The following HIVEP1 variants were observed in gnomAD, a reference collection of about 807,000 sequenced individuals.
HIVEP1 encodes the protein zinc finger protein 40.
HIVEP1 carries 36 observed loss-of-function variants against 180.0 expected under a neutral mutation model. The observed-to-expected ratio is 0.20, with a 90% CI of 0.15 to 0.26. HIVEP1 has a LOEUF of 0.26. HIVEP1 is among the 10% of genes least tolerant of loss of function. The pLI is 1.00. For missense variants in HIVEP1, 3,143 were observed against 3,268.7 expected (o/e 0.96, Z 0.94); for synonymous variants, 1,239 against 1,239.0 (o/e 1.00, Z 0.00).
intron 2 of HIVEP1, among the ~76,000 whole-genome samples, chr6:12,080,066 A>C (rs1225465651): frequency 3.9e-5 from 6 of 152,116 alleles, no homozygotes; most frequent in African/African-American, 1.4e-4. Flanking sequence ...AATATGCAGC[A>C]AAAGTTGGGT....
intron 2 of HIVEP1, among the ~76,000 whole-genome samples, chr6:12,082,454 C>T (rs1686898428): frequency 6.6e-6 from 1 of 152,052 alleles, no homozygotes; most frequent in African/African-American, 2.4e-5. Context: ...TCAGGATAGA[C>T]CGGATTACTC....
chr6:12,203,193 A>G, the HIVEP1 span, among the ~76,000 whole-genome samples: 2 of 152,116 alleles, frequency 1.3e-5, no homozygotes, highest in African/African-American at 4.8e-5. Context: ...TGAAAACAGC[A>G]CTGTGGCAGC....
intron 2 of HIVEP1, among the ~76,000 whole-genome samples, chr6:12,079,792 G>T (rs1772645579): frequency 6.6e-6 from 1 of 152,070 alleles, no homozygotes; most frequent in Admixed American, 6.6e-5. Context: ...TAACAACTCT[G>T]TAATAGAAAT....
chr6:12,142,120 C>A (rs1433104200), intron 7 of HIVEP1, among the ~76,000 whole-genome samples: 1 of 152,170 alleles, frequency 6.6e-6, no homozygotes, highest in Non-Finnish European at 1.5e-5. Flanking sequence ...CTAAAATTGA[C>A]CACATAGTTG....
At chr6:12,033,721 C>T (rs1034026019) in intron 2 of HIVEP1, among the ~76,000 whole-genome samples, 8 of 152,130 alleles carry the variant, frequency 5.3e-5, no homozygotes, top group African/African-American at 1.9e-4. Flanking sequence ...TACTTACTGA[C>T]AGAGTACCTT....
chr6:12,026,373 G>A (rs1768587382), intron 2 of HIVEP1, among the ~76,000 whole-genome samples: 1 of 152,172 alleles, frequency 6.6e-6, no homozygotes, highest in Admixed American at 6.5e-5. Context: ...GAGGAGTTTT[G>A]AGACGGGTTT....
intron 2 of HIVEP1, among the ~76,000 whole-genome samples, chr6:12,060,381 A>G (rs56321224): frequency 0.22 from 33,239 of 152,204 alleles, 4,287 homozygotes; most frequent in Middle Eastern, 0.32. Flanking sequence ...CCTGATAACA[A>G]TTGAATAATG....
At chr6:12,054,394 GAT>G (rs1470752045) in intron 2 of HIVEP1, among the ~76,000 whole-genome samples, 3 of 152,070 alleles carry the variant, frequency 2.0e-5, no homozygotes, top group African/African-American at 7.2e-5. Context: ...TTAACAATTT[GAT>G]ATCTTTCATT....
At chr6:12,128,454 G>C (rs1270962962) in intron 4 of HIVEP1, among the ~76,000 whole-genome samples, 1 of 152,198 alleles carries the variant, frequency 6.6e-6, no homozygotes, top group Non-Finnish European at 1.5e-5. Context: ...ACAGCTGTCT[G>C]CTTGACAATG....
intron 7 of HIVEP1, among the ~76,000 whole-genome samples, chr6:12,141,858 A>G (rs1759057819): frequency 6.6e-6 from 1 of 152,142 alleles, no homozygotes; most frequent in African/African-American, 2.4e-5. Flanking sequence ...TATGCACCCA[A>G]TACAGGAGCA....
At chr6:12,021,752 G>A (rs1245735280) in intron 2 of HIVEP1, among the ~76,000 whole-genome samples, 2 of 151,796 alleles carry the variant, frequency 1.3e-5, no homozygotes, top group African/African-American at 2.4e-5. Flanking sequence ...TGCAACCTCC[G>A]CCTCTAGGGT....
At chr6:12,009,574 T>A (rs1767175723), upstream of HIVEP1, among the ~76,000 whole-genome samples, 1 of 148,718 alleles carries the variant, frequency 6.7e-6, no homozygotes, top group Non-Finnish European at 1.5e-5. Flanking sequence ...ACATTCACCC[T>A]CTGCTTCATT....
chr6:12,080,472 A>C (rs1469981986), intron 2 of HIVEP1, among the ~76,000 whole-genome samples: 2 of 152,206 alleles, frequency 1.3e-5, no homozygotes, highest in Non-Finnish European at 2.9e-5. Context: ...ATGTATAAAT[A>C]ATTAGATATG....
chr6:12,165,005 G>T, downstream of HIVEP1: 1 of 383,690 alleles, frequency 2.6e-6, no homozygotes, highest in Non-Finnish European at 5.1e-6. Context: ...CTTTACCATT[G>T]CTTCAGTTGT....
downstream of HIVEP1, among the ~76,000 whole-genome samples, chr6:12,168,056 T>TATATATA (rs1294850685): frequency 5.1e-4 from 4 of 7,802 alleles, 1 homozygote; most frequent in Non-Finnish European, 8.6e-4. Flanking sequence ...TACATATGTG[T>TATATATA]ATATATACAT....
Position 12,164,204 on chromosome 6 carries a change from G to A in HIVEP1, c.7900G>A (p.Asp2634Asn), listed in dbSNP as rs763795699. Residue 2634 changes from aspartate to asparagine, a missense_variant, in exon 9 of 9, where the codon GAC becomes AAC. This residue lies in a region of HIVEP1 where 595 missense variants were observed against 602.2 expected (regional missense o/e 0.99). Transcript: ENST00000379388. ...HARLDGLSKM[D>N]TEKAASANHV... ...AAGGCTTGATGGCCTGAGTAAAATG[G>A]ACACAGAGAAGGCTGCCTCGGCAAA... The A allele has an allele frequency of 6.2e-7, 1 of 1,614,156 alleles. No homozygotes were observed. Among genetic ancestry groups the A allele is most frequent in the Non-Finnish European group, 8.5e-7 (1 of 1,180,038 alleles).
chr6:12,163,295 G>C lies in HIVEP1; in HGVS notation c.6991G>C (p.Val2331Leu), dbSNP rs143238298. 809 of 1,613,480 alleles carry C rather than the reference G, an allele frequency of 5.0e-4. 4 individuals carry two copies. In the African/African-American group the frequency reaches 9.1e-3, roughly 18 times the overall value. Residue 2331 changes from valine (V) to leucine (L), a missense_variant, in exon 9 of 9, where the codon GTA becomes CTA. Physicochemically the swap from Val to Leu is conservative, Grantham distance 32. Transcript: ENST00000379388. ...AVAITQSPSS[V>L]RLPPAAAEHS... ...TCTTGTCATTTAGAGCCCATCATCT[G>C]TAAGACTTCCTCCTGCTGCAGCTGA... is the stretch of plus-strand genomic sequence containing the variant.
At chr6:12,009,875 A>G (rs1378145911), upstream of HIVEP1, among the ~76,000 whole-genome samples, 1 of 152,252 alleles carries the variant, frequency 6.6e-6, no homozygotes. Context: ...AATTGCATGT[A>G]TGTTTTGTTA....
chr6:12,134,817 G>A (rs1362959440), intron 6 of HIVEP1, among the ~76,000 whole-genome samples: 1 of 152,196 alleles, frequency 6.6e-6, no homozygotes, highest in Non-Finnish European at 1.5e-5. Flanking sequence ...CGATACAACA[G>A]CTGCCAGAGG....
Sources: gnomAD v4.1 joint callset for allele counts (sites outside exome capture counted in the v4.1 genomes callset) on GRCh38, gnomAD v4.1.1 for gene constraint, gnomAD v4.1.1 regional missense constraint, MANE v1.5 for transcripts, NCBI Gene and HGNC (gene_info 2026-07-23, HGNC 2026-07-21) for gene names.